The following CDH18 variants were observed in gnomAD, a reference collection of about 807,000 sequenced individuals.
CDH18 encodes the protein cadherin 18.
CDH18 carries 31 observed loss-of-function variants against 67.9 expected under a neutral mutation model. The observed-to-expected ratio is 0.46, with a 90% confidence interval of 0.34 to 0.62. The LOEUF (loss-of-function observed/expected upper bound fraction) is 0.62, where lower values mean the gene tolerates loss of function less well. Among genes scored for constraint, CDH18 ranks in the 20% least tolerant of loss-of-function variants. The probability of loss-of-function intolerance (pLI) is 0.01; values close to 1 mark genes in which losing one functional copy is unlikely to be tolerated. For synonymous variants in CDH18, 362 were observed against 347.2 expected, an observed-to-expected ratio of 1.04 and a Z score of -0.48; for missense variants, 890 against 975.5, an observed-to-expected ratio of 0.91 and a Z score of 1.17.
intron 1 of CDH18, among the ~76,000 whole-genome samples, chr5:20,286,472 C>T (rs1313876585): frequency 6.6e-6 from 1 of 151,252 alleles, no homozygotes; most frequent in Non-Finnish European, 1.5e-5. Context: ...ATTTTAATTG[C>T]AAAAAGAACA....
In CDH18 at chr5:19,940,741, T is replaced by C. The variant is rs934023899; in HGVS notation, c.-257+40319A>G. Reference sequence around the variant, plus strand: ...GGTCCTCTAATCACCCCGATTAAGATAGAGCCCTTCCTCTAGTGTCTTTTC... The same window carrying C: ...GGTCCTCTAATCACCCCGATTAAGACAGAGCCCTTCCTCTAGTGTCTTTTC... On this transcript the variant is annotated intron_variant, in intron 2 of 12. Coordinates refer to ENST00000382275, the MANE Select transcript of CDH18 (RefSeq NM_004934.5). Among the ~76,000 whole-genome samples the C allele has an allele frequency of 4.5e-4, 68 of 152,170 alleles. 2 individuals are homozygous for C. Among genetic ancestry groups the C allele is most frequent in the African/African-American group, 1.3e-3 (54 of 41,548 alleles).
At chr5:20,368,028 G>C (rs1041597482) in intron 1 of CDH18, among the ~76,000 whole-genome samples, 5 of 152,102 alleles carry the variant, frequency 3.3e-5, no homozygotes, top group East Asian at 1.9e-4. Context: ...GTCCTTATGT[G>C]GTTCCACTGT....
intron 4 of CDH18, among the ~76,000 whole-genome samples, chr5:19,723,503 G>A (rs1766384249): frequency 6.6e-6 from 1 of 152,078 alleles, no homozygotes; most frequent in Non-Finnish European, 1.5e-5. Context: ...TCCATCCTCA[G>A]AGGATGAGAG....
intron 2 of CDH18, among the ~76,000 whole-genome samples, chr5:20,047,036 G>C (rs1205862812): frequency 1.3e-5 from 2 of 151,906 alleles, no homozygotes. Flanking sequence ...AAACACGAGA[G>C]AGTAGATGGA....
chr5:19,817,908 C>G (rs1406313205), intron 3 of CDH18, among the ~76,000 whole-genome samples: 1 of 152,116 alleles, frequency 6.6e-6, no homozygotes, highest in South Asian at 2.1e-4. Context: ...ATAGATAATA[C>G]ATAAATAAAT....
intron 2 of CDH18, among the ~76,000 whole-genome samples, chr5:19,896,651 C>T (rs1157356833): frequency 6.6e-6 from 1 of 152,132 alleles, no homozygotes; most frequent in Non-Finnish European, 1.5e-5. Context: ...CAGTGAAAAC[C>T]AATTTCTAGC....
At chr5:19,621,302 C>T (rs1750660145) in intron 5 of CDH18, among the ~76,000 whole-genome samples, 1 of 150,526 alleles carries the variant, frequency 6.6e-6, no homozygotes, top group Non-Finnish European at 1.5e-5. Flanking sequence ...AATTCCTATG[C>T]CGTTTCATTC....
At chr5:19,989,829 A>T (rs958115205), upstream of CDH18, among the ~76,000 whole-genome samples, 1 of 152,152 alleles carries the variant, frequency 6.6e-6, no homozygotes, top group African/African-American at 2.4e-5. Context: ...GTAGAACAGG[A>T]ATTGAATTAT....
chr5:20,191,332 G>A (rs955655399), intron 2 of CDH18, among the ~76,000 whole-genome samples: 1 of 151,908 alleles, frequency 6.6e-6, no homozygotes, highest in African/African-American at 2.4e-5. Context: ...TTCAGCTGGG[G>A]TTTTGACTAC....
intron 2 of CDH18, among the ~76,000 whole-genome samples, chr5:20,107,230 T>A (rs146061879): frequency 1.3e-5 from 2 of 151,996 alleles, no homozygotes; most frequent in East Asian, 2.0e-4. Context: ...ACAGGCGCCC[T>A]CCATCACGCC....
chr5:19,984,751 G>A (rs889483622), intron 1 of CDH18, among the ~76,000 whole-genome samples: 7 of 152,090 alleles, frequency 4.6e-5, no homozygotes, highest in East Asian at 3.9e-4. Flanking sequence ...GATCAGACAC[G>A]CATGATGCGT....
At chr5:19,487,700 A>T (rs1740632391) in intron 11 of CDH18, among the ~76,000 whole-genome samples, 1 of 152,122 alleles carries the variant, frequency 6.6e-6, no homozygotes, top group Admixed American at 6.5e-5. Context: ...TTATTTTGTT[A>T]TGTGATCCCA....
intron 1 of CDH18, among the ~76,000 whole-genome samples, chr5:20,344,629 G>A (rs886634373): frequency 1.4e-4 from 21 of 151,924 alleles, no homozygotes; most frequent in Non-Finnish European, 2.5e-4. Context: ...TACAGTTCTC[G>A]GGAAAGGTAG....
chr5:20,224,977 T>C (rs1346370325), intron 2 of CDH18, among the ~76,000 whole-genome samples: 2 of 152,062 alleles, frequency 1.3e-5, no homozygotes, highest in East Asian at 1.9e-4. Flanking sequence ...TCTTCTTGCC[T>C]TTTGCCCTCA....
At chr5:19,999,234 A>G (rs1736247569) in intron 2 of CDH18, among the ~76,000 whole-genome samples, 1 of 152,010 alleles carries the variant, frequency 6.6e-6, no homozygotes. Flanking sequence ...ACACACACAC[A>G]CACGCACACA....
intron 1 of CDH18, among the ~76,000 whole-genome samples, chr5:20,271,116 T>C (rs190872609): frequency 6.6e-6 from 1 of 151,912 alleles, no homozygotes; most frequent in East Asian, 1.9e-4. Flanking sequence ...AGCCTGCACA[T>C]GTACCCCTGA....
intron 2 of CDH18, among the ~76,000 whole-genome samples, chr5:20,182,792 G>A (rs1040516745): frequency 6.6e-6 from 1 of 151,298 alleles, no homozygotes; most frequent in African/African-American, 2.4e-5. Context: ...GCTTGACCTT[G>A]GACTCTAGAT....
intron 2 of CDH18, among the ~76,000 whole-genome samples, chr5:20,024,378 T>A (rs184729824): frequency 1.6e-3 from 246 of 152,296 alleles, no homozygotes; most frequent in Non-Finnish European, 2.5e-3. Flanking sequence ...TGATCTGGGA[T>A]GATAAAATGT....
At position 20,142,732 on chromosome 5, in the gene CDH18, A is replaced by G. The variant is rs572772077; in HGVS notation, c.-518+112712T>C. On this transcript the variant is annotated intron_variant, in intron 2 of 14. Transcript: ENST00000507958. ...GGTGACAGTCTATAAGCCAAGGAAC[A>G]CCAAAGATTTCTGACAAACCACCAG... Among the ~76,000 whole-genome samples the G allele has an allele frequency of 7.9e-4, 121 of 152,300 alleles. 2 individuals are homozygous for G. The South Asian group carries it at 0.024, about 30-fold the overall frequency.
Sources: allele counts gnomAD v4.1 joint callset (sites outside exome capture counted in the v4.1 genomes callset), GRCh38; gene constraint gnomAD v4.1.1; transcripts MANE v1.5; gene names NCBI Gene and HGNC (gene_info 2026-07-23, HGNC 2026-07-21).